The following PTPRB variants were observed in gnomAD, a reference collection of about 807,000 sequenced individuals.
PTPRB encodes receptor-type tyrosine-protein phosphatase beta.
In PTPRB, 97 loss-of-function variants were observed where a neutral mutation model predicts 238.1. The observed-to-expected ratio is 0.41, with a 90% CI of 0.35 to 0.48. PTPRB has a LOEUF of 0.48. Among genes scored for constraint, PTPRB ranks in the 20% least tolerant of loss-of-function variants. The pLI, the probability that PTPRB is intolerant of heterozygous loss-of-function variation, is 0.30. For missense variants in PTPRB, 2,292 were observed against 2,681.9 expected, an observed-to-expected ratio of 0.85 and a Z score of 3.21; for synonymous variants, 970 against 995.4, an observed-to-expected ratio of 0.97 and a Z score of 0.48.
At chr12:70,596,519 T>TAA (rs201056388) in intron 4 of PTPRB, among the ~76,000 whole-genome samples, 192 bp from the exon 5 acceptor site, 2 of 143,948 alleles carry the variant, frequency 1.4e-5, no homozygotes, top group Admixed American at 1.4e-4. Context: ...TTCACTTTCT[T>TAA]AAAAAAAAAA....
chr12:70,620,746 G>A (rs1407688975), intron 3 of PTPRB, among the ~76,000 whole-genome samples: 2 of 152,128 alleles, frequency 1.3e-5, no homozygotes, highest in Non-Finnish European at 2.9e-5. Flanking sequence ...TATCTTAAGA[G>A]AACTAAGTCA....
intron 22 of PTPRB, 91 bp downstream of exon 22, chr12:70,544,466 G>T: frequency 2.3e-6 from 2 of 861,370 alleles, no homozygotes; most frequent in Non-Finnish European, 3.7e-6. Context: ...GAAAATAAAT[G>T]TTCCCCCCAC....
At chr12:70,618,311 T>C (rs1884769261) in intron 3 of PTPRB, among the ~76,000 whole-genome samples, 1 of 152,190 alleles carries the variant, frequency 6.6e-6, no homozygotes, top group African/African-American at 2.4e-5. Context: ...GGTTTTGCCC[T>C]GTTGCCCAGG....
intron 15 of PTPRB, among the ~76,000 whole-genome samples, chr12:70,564,888 T>TAAA (rs1194357869): frequency 7.3e-6 from 1 of 137,872 alleles, no homozygotes; most frequent in East Asian, 2.1e-4. Flanking sequence ...ATAATAATAA[T>TAAA]AAATAGATAG....
intron 1 of PTPRB, 81 bp from the exon 2 acceptor site, chr12:70,636,147 A>G: frequency 2.3e-6 from 3 of 1,316,414 alleles, no homozygotes; most frequent in Non-Finnish European, 3.0e-6. Context: ...CCCACAAATG[A>G]GCTAAATAAA....
At chr12:70,525,090 A>G (rs1279940484) in intron 32 of PTPRB, among the ~76,000 whole-genome samples, 1 of 152,028 alleles carries the variant, frequency 6.6e-6, no homozygotes, top group East Asian at 1.9e-4. Context: ...GGACACTCCT[A>G]TGTAGCTTAC....
At chr12:70,606,374 A>AT (rs1566005531) in intron 4 of PTPRB, among the ~76,000 whole-genome samples, 2 of 152,132 alleles carry the variant, frequency 1.3e-5, no homozygotes, top group Admixed American at 1.3e-4. Flanking sequence ...ATTTAATTCA[A>AT]TTTTTTTATC....
intron 4 of PTPRB, among the ~76,000 whole-genome samples, chr12:70,598,309 AAGT>A (rs1883202575): frequency 6.6e-6 from 1 of 152,212 alleles, no homozygotes; most frequent in African/African-American, 2.4e-5. Flanking sequence ...ATTATATAAA[AAGT>A]AGTTAGAACT....
At chr12:70,546,198 G>A (rs1023888256) in intron 21 of PTPRB, among the ~76,000 whole-genome samples, 4 of 151,696 alleles carry the variant, frequency 2.6e-5, no homozygotes, top group Admixed American at 6.6e-5. Context: ...GGATATACTC[G>A]ATTTAGAGGG....
chr12:70,578,558 C>T (rs747665436), intron 10 of PTPRB, among the ~76,000 whole-genome samples: 7 of 151,972 alleles, frequency 4.6e-5, no homozygotes, highest in Non-Finnish European at 1.0e-4. Context: ...AATTTCTTGT[C>T]CCTTTTTCCC....
rs1182133299 is a variant in PTPRB, at chr12:70,520,997, A to G, written c.*492T>C. On this transcript the variant is annotated 3_prime_UTR_variant, in exon 34 of 34. Coordinates refer to ENST00000334414, the MANE Select transcript of PTPRB (RefSeq NM_001109754.4). ...TGACTGTCACATTTGTCCTAATAGC[A>G]AGTTAGGACATGTCTGTTGGCTCTC... 1 of 152,560 alleles carries G rather than the reference A, an allele frequency of 6.6e-6. No individual in the cohort carries two copies. The highest frequency in any genetic ancestry group is 1.5e-5 in the Non-Finnish European group (1 of 68,358). 9.5% of individuals were successfully genotyped at this position (152,560 alleles called of 1,614,324 possible).
chr12:70,622,341 G>A (rs776161908), intron 3 of PTPRB, 49 bp downstream of exon 3: 3 of 1,583,946 alleles, frequency 1.9e-6, no homozygotes, highest in Admixed American at 1.7e-5. Context: ...CAAGCAATGA[G>A]CCTCCTGAGA....
rs770646477 is a variant in PTPRB at position 70,571,876 on chromosome 12, A to G, written c.3054T>C (p.Val1018=). The G allele has an allele frequency of 1.2e-6, 2 of 1,613,972 alleles. No homozygotes were observed. Among genetic ancestry groups the G allele is most frequent in the Non-Finnish European group, 1.7e-6 (2 of 1,179,834 alleles). Residue 1018 remains valine, a synonymous_variant, in exon 12 of 34, where the codon GTT becomes GTC. Coordinates refer to ENST00000334414, the MANE Select transcript of PTPRB (RefSeq NM_001109754.4). ...LVPGRLYSVT[V]TTKSGQYEAN... is the part of the protein sequence containing the mutation. ...CTTCATATTGTCCACTTTTTGTAGT[A>G]ACAGTGACACTGTACAACCGTCCAG... is the stretch of plus-strand genomic sequence containing the variant.
chr12:70,619,244 C>T (rs1313112647), intron 3 of PTPRB, among the ~76,000 whole-genome samples: 1 of 148,444 alleles, frequency 6.7e-6, no homozygotes, highest in East Asian at 2.0e-4. Flanking sequence ...GGGCAAGTTC[C>T]TTTTTAAGTT....
rs1354119143 is a variant in PTPRB at position 70,587,041 on chromosome 12, G to A, written c.2277C>T (p.Asp759=). Residue 759 remains aspartate (D), a synonymous_variant, in exon 9 of 34, where the codon GAC becomes GAT. Transcript: ENST00000334414. The stretch of plus-strand genomic sequence containing the variant: ...CTTTTACTGAAGAGGAATTTTTTAA[G>A]TCTCCACTAATACTGGTGACTGTAG... The part of the protein sequence containing the change: ...YMATVTSISG[D]LKNSSSVKGR... 1 of 1,613,608 alleles carries A rather than the reference G, an allele frequency of 6.2e-7. No homozygotes were observed. Among genetic ancestry groups the A allele is most frequent in the Non-Finnish European group, 8.5e-7 (1 of 1,179,708 alleles).
chr12:70,617,741 C>G (rs1336900053), intron 3 of PTPRB, among the ~76,000 whole-genome samples: 7 of 152,012 alleles, frequency 4.6e-5, no homozygotes, highest in African/African-American at 1.7e-4. Context: ...GGGCTGTGAT[C>G]TCTTTGAAGG....
intron 11 of PTPRB, among the ~76,000 whole-genome samples, chr12:70,574,592 G>A (rs543079651): frequency 3.3e-4 from 51 of 152,310 alleles, no homozygotes; most frequent in African/African-American, 1.1e-3. Flanking sequence ...GTAATTTGTG[G>A]AGACCTGCCT....
intron 4 of PTPRB, 143 bp downstream of exon 4, chr12:70,608,926 A>T: frequency 8.2e-7 from 1 of 1,216,650 alleles, no homozygotes; most frequent in Non-Finnish European, 1.1e-6. Context: ...CGAGGAAACC[A>T]GACATTTCTG....
intron 3 of PTPRB, among the ~76,000 whole-genome samples, chr12:70,611,890 C>A (rs1473489107): frequency 6.6e-6 from 1 of 152,204 alleles, no homozygotes; most frequent in African/African-American, 2.4e-5. Context: ...TACCTGTCAG[C>A]CTCATCAGTG....
Sources: gnomAD v4.1 joint callset for allele counts (sites outside exome capture counted in the v4.1 genomes callset) on GRCh38, gnomAD v4.1.1 for gene constraint, MANE v1.5 for transcripts, NCBI Gene and HGNC (gene_info 2026-07-23, HGNC 2026-07-21) for gene names.